The following ROBO2 variants were observed in gnomAD, a reference collection of about 807,000 sequenced individuals.
The protein encoded by ROBO2 is roundabout guidance receptor 2.
ROBO2 carries 53 observed loss-of-function variants against 160.8 expected under a neutral mutation model. The observed-to-expected ratio is 0.33, with a 90% CI of 0.26 to 0.41. The LOEUF (loss-of-function observed/expected upper bound fraction) is 0.41. Among genes scored for constraint, ROBO2 ranks in the 10% least tolerant of loss-of-function variants. The pLI, the probability that ROBO2 is intolerant of heterozygous loss-of-function variation, is 1.00. For missense variants in ROBO2, 1,577 were observed against 1,722.4 expected (o/e 0.92, Z 1.49); for synonymous variants, 664 against 611.7 (o/e 1.09, Z -1.26).
chr3:76,787,335 C>A (rs1430944749), intron 2 of ROBO2, among the ~76,000 whole-genome samples: 1 of 145,976 alleles, frequency 6.9e-6, no homozygotes, highest in Non-Finnish European at 1.5e-5. Context: ...ACACCACACA[C>A]ACACACACAC....
intron 2 of ROBO2, among the ~76,000 whole-genome samples, chr3:76,360,997 G>T (rs2075484634): frequency 1.3e-5 from 2 of 151,970 alleles, no homozygotes; most frequent in South Asian, 4.1e-4. Context: ...AAAAAATCCT[G>T]TTTAGTTAAG....
intron 2 of ROBO2, among the ~76,000 whole-genome samples, chr3:77,149,774 A>G (rs1296263893): frequency 6.7e-6 from 1 of 148,860 alleles, no homozygotes; most frequent in Admixed American, 6.8e-5. Context: ...TATTTTGGTG[A>G]TTAGGCCTTA....
intron 2 of ROBO2, among the ~76,000 whole-genome samples, chr3:76,459,524 C>A (rs1358123540): frequency 1.3e-5 from 2 of 152,074 alleles, no homozygotes; most frequent in African/African-American, 4.8e-5. Context: ...ATTATAGTAA[C>A]TACTATAGAC....
At chr3:76,430,122 T>A (rs1396741027) in intron 2 of ROBO2, among the ~76,000 whole-genome samples, 1 of 152,140 alleles carries the variant, frequency 6.6e-6, no homozygotes, top group Non-Finnish European at 1.5e-5. Flanking sequence ...CTCTAGTTTT[T>A]CCAGAGTTGC....
chr3:77,547,393 T>C (rs2092738880), intron 7 of ROBO2, among the ~76,000 whole-genome samples: 1 of 152,094 alleles, frequency 6.6e-6, no homozygotes, highest in African/African-American at 2.4e-5. Context: ...ATTCTGTTAT[T>C]ACTACATGTT....
At chr3:76,356,289 A>G (rs2075157909) in intron 2 of ROBO2, among the ~76,000 whole-genome samples, 1 of 151,568 alleles carries the variant, frequency 6.6e-6, no homozygotes, top group Non-Finnish European at 1.5e-5. Flanking sequence ...CAAAAAACAG[A>G]TGGAATCAAT....
intron 2 of ROBO2, among the ~76,000 whole-genome samples, chr3:76,754,469 T>C (rs2060854650): frequency 6.6e-6 from 1 of 151,922 alleles, no homozygotes; most frequent in African/African-American, 2.4e-5. Flanking sequence ...CTTGCTGCTC[T>C]TCTGTGTTTT....
chr3:77,515,774 G>A (rs989798180), intron 5 of ROBO2, among the ~76,000 whole-genome samples: 67 of 151,724 alleles, frequency 4.4e-4, no homozygotes, highest in African/African-American at 1.5e-3. Flanking sequence ...TGAAAATTGC[G>A]CCAGAAGACT....
intron 2 of ROBO2, among the ~76,000 whole-genome samples, chr3:76,744,982 G>T (rs1032597645): frequency 1.3e-5 from 2 of 152,216 alleles, no homozygotes; most frequent in South Asian, 2.1e-4. Flanking sequence ...GAAGACAAAG[G>T]ATTCCGATCA....
chr3:77,636,218 G>T (rs919525711), intron 24 of ROBO2, among the ~76,000 whole-genome samples: 13 of 152,224 alleles, frequency 8.5e-5, no homozygotes, highest in Middle Eastern at 3.4e-3. Flanking sequence ...AGTCTAGATA[G>T]TAAATATCTT....
At chr3:76,805,201 T>C (rs1465201955) in intron 2 of ROBO2, among the ~76,000 whole-genome samples, 1 of 152,090 alleles carries the variant, frequency 6.6e-6, no homozygotes, top group Non-Finnish European at 1.5e-5. Context: ...TTTCTTTTCT[T>C]GACTCTGTCA....
chr3:77,569,010 A>G (rs2093568407), intron 13 of ROBO2, among the ~76,000 whole-genome samples: 1 of 152,006 alleles, frequency 6.6e-6, no homozygotes, highest in Non-Finnish European at 1.5e-5. Flanking sequence ...GTTATCAAAT[A>G]GTATTCCATT....
intron 2 of ROBO2, among the ~76,000 whole-genome samples, chr3:76,243,101 C>T (rs1705398046): frequency 6.6e-6 from 1 of 152,162 alleles, no homozygotes; most frequent in South Asian, 2.1e-4. Flanking sequence ...GTTTCTCATT[C>T]CTTTACTTTC....
At chr3:76,625,613 G>A (rs73118427) in intron 2 of ROBO2, among the ~76,000 whole-genome samples, 45,741 of 152,060 alleles carry the variant, frequency 0.3, 8,300 homozygotes, top group Middle Eastern at 0.42. Context: ...GGAAGTAAAG[G>A]AGGAAGTTAC....
At chr3:76,195,167 G>A (rs1451493397) in intron 2 of ROBO2, among the ~76,000 whole-genome samples, 1 of 152,096 alleles carries the variant, frequency 6.6e-6, no homozygotes, top group Non-Finnish European at 1.5e-5. Flanking sequence ...CTATCTCATT[G>A]AATCCTTGCA....
chr3:77,445,449 A>G (rs1382064514), intron 2 of ROBO2, among the ~76,000 whole-genome samples: 1 of 152,088 alleles, frequency 6.6e-6, no homozygotes, highest in Admixed American at 6.6e-5. Context: ...CCCAGTGATT[A>G]TATATACTTA....
chr3:77,093,454 AC>A (rs1360942018), intron 1 of ROBO2, among the ~76,000 whole-genome samples: 1 of 152,100 alleles, frequency 6.6e-6, no homozygotes, highest in East Asian at 1.9e-4. Flanking sequence ...AACATAGAAT[AC>A]CCAGTAGTTT....
At chr3:76,646,710 T>C (rs2090987497) in intron 2 of ROBO2, among the ~76,000 whole-genome samples, 1 of 152,194 alleles carries the variant, frequency 6.6e-6, no homozygotes, top group African/African-American at 2.4e-5. Flanking sequence ...TCTTTACCTC[T>C]GCCAAGAAGT....
rs552753895 is a variant in ROBO2 at position 77,556,494 on chromosome 3, A to G, written c.1232-1450A>G. 4.6e-5 allele frequency among the ~76,000 whole-genome samples: 7 copies of G among 152,000 alleles called. No individual in the cohort carries two copies. The South Asian group carries it at 1.4e-3, about 31-fold the overall frequency. ...ACCTGTATCATAAATTCTAGCTTCA[A>G]TTAAATTTGGTTGGCTTTCTCATGA... is the stretch of plus-strand genomic sequence containing the variant. On this transcript the variant is annotated intron_variant, in intron 8 of 25. Transcript: ENST00000461745.
Sources: gnomAD v4.1 joint callset for allele counts (sites outside exome capture counted in the v4.1 genomes callset) on GRCh38, gnomAD v4.1.1 for gene constraint, MANE v1.5 for transcripts, NCBI Gene and HGNC (gene_info 2026-07-23, HGNC 2026-07-21) for gene names.